ROBO4: variants seen among roughly 807,000 people sequenced by gnomAD.
ROBO4 encodes the protein roundabout guidance receptor 4.
In ROBO4, 80 loss-of-function variants were observed where a neutral mutation model predicts 103.3. The observed-to-expected ratio is 0.77, with a 90% CI of 0.65 to 0.93. The LOEUF is 0.93. ROBO4 is among the 40% of genes least tolerant of loss of function. The probability of loss-of-function intolerance (pLI) is 0.00; values close to 1 mark genes in which losing one functional copy is unlikely to be tolerated. For missense variants in ROBO4, 1,333 were observed against 1,305.3 expected (o/e 1.02, Z -0.33); for synonymous variants, 504 against 529.7 (o/e 0.95, Z 0.67).
At position 124,891,290 on chromosome 11, in the gene ROBO4, C is replaced by T. The variant is rs1946792554; in HGVS notation, c.1948+9G>A. On this transcript the variant is annotated intron_variant, in intron 12 of 17. Coordinates refer to ENST00000306534, the MANE Select transcript of ROBO4 (RefSeq NM_019055.6). ...CAGCTCAGTCTATGTCTATTCTCCC[C>T]CTCCTTACCCTGCTTCTTTTTGGCC... 7 of 1,514,988 alleles carry T rather than the reference C, an allele frequency of 4.6e-6. No homozygotes were observed. Among genetic ancestry groups the T allele is most frequent in the Middle Eastern group, 2.1e-4 (1 of 4,800 alleles). 93.8% of individuals were successfully genotyped at this position (1,514,988 alleles called of 1,614,324 possible).
At position 124,894,234 on chromosome 11, in the gene ROBO4, C is replaced by T. The variant is rs1465907946; in HGVS notation, c.1285G>A (p.Gly429Arg). The change falls in exon 8 of 18, where the codon GGG becomes AGG. Residue 429 changes from glycine (G) to arginine (R), a missense_variant. Gly to Arg is a moderately radical substitution (Grantham distance 125, BLOSUM62 -2). Transcript: ENST00000306534. ...AGGCAGACAGGTCTACTGGGCTCCC[C>T]AGCTCCAGCACCAGTGACTGCAGCC... ...QVAAVTGAGA[G>R]EPSRPVCLLL... is the part of the protein sequence containing the mutation. 1.2e-6 allele frequency: 2 copies of T among 1,613,660 alleles called. No homozygotes were observed. The highest frequency in any genetic ancestry group is 1.7e-5 in the Admixed American group (1 of 60,016).
At position 124,887,107 on chromosome 11, in the gene ROBO4, C is replaced by T. The variant is rs1342755890; in HGVS notation, c.2305G>A (p.Gly769Ser). 1 of 1,613,184 alleles carries T rather than the reference C, an allele frequency of 6.2e-7. No homozygotes were observed. The highest frequency in any genetic ancestry group is 1.7e-5 in the Admixed American group (1 of 59,956). Residue 769 changes from glycine to serine, a missense_variant, in exon 15 of 18, where the codon GGC becomes AGC. Gly to Ser is a moderately conservative substitution (Grantham distance 56, BLOSUM62 0). Transcript: ENST00000306534. ...AGGCGACTGGAAGCTGGGCTGGGGC[C>T]AGAGAGGGAAGAGGCCTGGGGGCTA... is the stretch of plus-strand genomic sequence containing the variant. ...PPSPQASSLS[G>S]PSPASSRLSS... is the part of the protein sequence containing the mutation.
chr11:124,896,033 T>C, intron 4 of ROBO4, 121 bp from the exon 5 acceptor site: 2 of 1,534,768 alleles, frequency 1.3e-6, no homozygotes, highest in African/African-American at 1.4e-5. Flanking sequence ...CTCCAGGTCT[T>C]GAGCATTCCG....
chr11:124,887,282 A>G (rs1946730403), intron 14 of ROBO4, 69 bp from the exon 15 acceptor site: 1 of 1,604,298 alleles, frequency 6.2e-7, no homozygotes. Flanking sequence ...CCCCTTCCCC[A>G]GCCTGTCCAA....
chr11:124,895,395 G>A, intron 6 of ROBO4, 62 bp downstream of exon 6: 1 of 1,502,256 alleles, frequency 6.7e-7, no homozygotes, highest in Non-Finnish European at 9.1e-7. Context: ...CAGTCCAGGG[G>A]CCCCCAAATA....
intron 6 of ROBO4, 76 bp downstream of exon 6, chr11:124,895,381 A>G: frequency 7.1e-7 from 1 of 1,400,202 alleles, no homozygotes; most frequent in Non-Finnish European, 9.9e-7. Flanking sequence ...AGACTGAAGC[A>G]GAACAGTCCA....
rs748817398 is a variant in ROBO4 at position 124,886,739 on chromosome 11, G to C, written c.2519C>G (p.Thr840Arg). The change falls in exon 16 of 18, where the codon ACG becomes AGG. Residue 840 changes from threonine (T) to arginine (R), a missense_variant. Transcript: ENST00000306534. ...CCCTCCTCCAGTCCTGCCCATGTCC[G>C]TGAACTCTGAGGCTGTTGGGACGCT... is the stretch of plus-strand genomic sequence containing the variant. Reference protein sequence around the residue: ...YISVPTASEFTDMGRTGGGVG... With the variant: ...YISVPTASEFRDMGRTGGGVG... 1 of 1,588,888 alleles carries C rather than the reference G, an allele frequency of 6.3e-7. No individual in the cohort carries two copies. Among genetic ancestry groups the C allele is most frequent in the Admixed American group, 1.7e-5 (1 of 58,210 alleles).
chr11:124,886,971 A>G lies in ROBO4; in HGVS notation c.2435+6T>C, dbSNP rs1946724012. The G allele has an allele frequency of 6.3e-7, 1 of 1,599,570 alleles. No individual in the cohort carries two copies. Among genetic ancestry groups the G allele is most frequent in the Non-Finnish European group, 8.5e-7 (1 of 1,169,758 alleles). ...TAGTTCTTTGGTTATCTCTCAAGCT[A>G]CTCACCTGGGAGTCTCCTCACCCTC... is the stretch of plus-strand genomic sequence containing the variant. On this transcript the variant is annotated splice_donor_region_variant and intron_variant, in intron 15 of 17. Coordinates refer to ENST00000306534, the MANE Select transcript of ROBO4 (RefSeq NM_019055.6).
At chr11:124,886,906 C>A (rs1017895693) in intron 15 of ROBO4, 71 bp downstream of exon 15, 9 of 1,542,374 alleles carry the variant, frequency 5.8e-6, no homozygotes, top group Admixed American at 5.7e-5. Flanking sequence ...TGAGGGAGGG[C>A]GGAATGGGTG....
intron 1 of ROBO4, 68 bp downstream of exon 1, chr11:124,897,658 C>T: frequency 7.1e-7 from 1 of 1,407,056 alleles, no homozygotes; most frequent in Admixed American, 1.7e-5. Context: ...AGGCAGTCAG[C>T]AGGCCCCTTC....
chr11:124,885,580 G>GTTTT lies in ROBO4; in HGVS notation c.2795-337_2795-334dup, dbSNP rs5795436. Among the ~76,000 whole-genome samples the GTTTT allele has an allele frequency of 3.4e-3, 482 of 142,082 alleles. 1 individual carries two copies. Among genetic ancestry groups the GTTTT allele is most frequent in the Admixed American group, 4.7e-3 (67 of 14,184 alleles). The allele number at this position is 142,082 out of a possible 152,430, so 93.2% of individuals were successfully genotyped here. ...TTGCCCTCCCATTTACCACAAGCCT[G>GTTTT]TTTTTTTTTTTTTTGTCGGGGCAAA... On this transcript the variant is annotated intron_variant, in intron 16 of 17. Transcript: ENST00000306534.
rs1946684366 is a variant in ROBO4, at chr11:124,884,784, CA to C, written c.*106del. 3.2e-6 allele frequency: 4 copies of C among 1,261,534 alleles called. No individual in the cohort carries two copies. 78.1% of individuals were successfully genotyped at this position (1,261,534 alleles called of 1,614,324 possible). On this transcript the variant is annotated 3_prime_UTR_variant, in exon 18 of 18. Coordinates refer to ENST00000306534, the MANE Select transcript of ROBO4 (RefSeq NM_019055.6). ...TCTGGAGGCTTGGGAAGGTGGACCC[CA>C]GCTGCAGAGAAACACAGGCCAAGAC...
Position 124,894,272 on chromosome 11 carries a change from T to C in ROBO4, c.1247A>G (p.Tyr416Cys), listed in dbSNP as rs1220827813. 1.9e-6 allele frequency: 3 copies of C among 1,614,108 alleles called. No homozygotes were observed. Among genetic ancestry groups the C allele is most frequent in the Non-Finnish European group, 2.5e-6 (3 of 1,180,012 alleles). ...AGTGACTGCAGCCACTTGCACGCAG[T>C]AGGAGCCTGGCATATGGGTGGCGAT... ...LEIATHMPGSYCVQVAAVTGA... is the reference protein window; with the variant it reads ...LEIATHMPGSCCVQVAAVTGA... The change falls in exon 8 of 18, where the codon TAC becomes TGC. Residue 416 changes from tyrosine to cysteine, a missense_variant. Tyr to Cys is a radical substitution (Grantham distance 194, BLOSUM62 -2). Coordinates refer to ENST00000306534, the MANE Select transcript of ROBO4 (RefSeq NM_019055.6).
At chr11:124,887,907 A>G (rs1946743084) in intron 12 of ROBO4, 67 bp from the exon 13 acceptor site, 6 of 1,330,246 alleles carry the variant, frequency 4.5e-6, no homozygotes. Flanking sequence ...TGCTGGCTCT[A>G]TCTTCAGCCT....
At position 124,887,813 on chromosome 11, in the gene ROBO4, A is replaced by G; in HGVS notation, c.1976T>C (p.Leu659Pro). ...CTCCAAGGAGTGGCTGCCCCGGAGC[A>G]GTGGGGAACTGTTGGCATGCTGCAG... Reference protein sequence around the residue: ...QELQHANSSPLLRGSHSLELR... With the variant: ...QELQHANSSPPLRGSHSLELR... The change falls in exon 13 of 18, where the codon CTG becomes CCG. Residue 659 changes from leucine to proline, a missense_variant. Leu to Pro is a moderately conservative substitution (Grantham distance 98, BLOSUM62 -3). Transcript: ENST00000306534. 1 of 1,613,888 alleles carries G rather than the reference A, an allele frequency of 6.2e-7. No individual in the cohort carries two copies. The highest frequency in any genetic ancestry group is 8.5e-7 in the Non-Finnish European group (1 of 1,179,906).
chr11:124,896,355 G>T, intron 3 of ROBO4, 37 bp from the exon 4 acceptor site: 1 of 1,611,864 alleles, frequency 6.2e-7, no homozygotes, highest in Non-Finnish European at 8.5e-7. Context: ...TCTCCTATGT[G>T]GGGAGGGGCT....
intron 16 of ROBO4, 79 bp from the exon 17 acceptor site, chr11:124,885,326 C>G: frequency 8.1e-7 from 1 of 1,227,006 alleles, no homozygotes; most frequent in Non-Finnish European, 1.2e-6. Context: ...AAGCTTAGGA[C>G]CAGCTCAGGG....
Position 124,897,689 on chromosome 11 carries a change from T to A in ROBO4, c.70+37A>T, listed in dbSNP as rs1290820804. On this transcript the variant is annotated intron_variant, in intron 1 of 17. Coordinates refer to ENST00000306534, the MANE Select transcript of ROBO4 (RefSeq NM_019055.6). Reference sequence around the variant, plus strand: ...CCTTCTGCCCTGAGCAGGCCTTGGATGGAGGAGCATGGGCCAGGAGAGGGA... The same window carrying A: ...CCTTCTGCCCTGAGCAGGCCTTGGAAGGAGGAGCATGGGCCAGGAGAGGGA... 5.0e-6 allele frequency: 8 copies of A among 1,601,630 alleles called. No homozygotes were observed. The East Asian group carries it at 6.7e-5, about 13-fold the overall frequency.
chr11:124,890,692 A>C (rs1471326558), intron 12 of ROBO4, among the ~76,000 whole-genome samples: 1 of 152,254 alleles, frequency 6.6e-6, no homozygotes, highest in Non-Finnish European at 1.5e-5. Context: ...CAATTGATAA[A>C]AAATGGAGGC....
Sources: allele counts gnomAD v4.1 joint callset (sites outside exome capture counted in the v4.1 genomes callset), GRCh38; gene constraint gnomAD v4.1.1; transcripts MANE v1.5; gene names NCBI Gene and HGNC (gene_info 2026-07-23, HGNC 2026-07-21).